CDH18: variants seen among roughly 807,000 people sequenced by gnomAD.
CDH18 encodes the protein cadherin 18.
CDH18 carries 31 observed loss-of-function variants against 67.9 expected under a neutral mutation model. That is an observed-to-expected ratio of 0.46 (90% CI 0.34 to 0.62). The LOEUF is 0.62. CDH18 is among the 20% of genes least tolerant of loss of function. The pLI is 0.01. For synonymous variants in CDH18, 362 were observed against 347.2 expected, an observed-to-expected ratio of 1.04 and a Z score of -0.48; for missense variants, 890 against 975.5, an observed-to-expected ratio of 0.91 and a Z score of 1.17.
In CDH18 at chr5:20,218,335, A is replaced by G. The variant is rs1588232; in HGVS notation, c.-518+37109T>C. Among the ~76,000 whole-genome samples the G allele has an allele frequency of 8.8e-3, 1,338 of 152,160 alleles. 23 individuals carry two copies. The highest frequency in any genetic ancestry group is 0.03 in the African/African-American group (1,228 of 41,544). On this transcript the variant is annotated intron_variant, in intron 2 of 14. Transcript: ENST00000507958. Reference sequence around the variant, plus strand: ...CAACTATCTTCTTTCTCCACAATAGAATATAACTAGGAATCAATAAAATGA... The same window carrying G: ...CAACTATCTTCTTTCTCCACAATAGGATATAACTAGGAATCAATAAAATGA...
chr5:20,418,383 G>A (rs1230777326), intron 1 of CDH18, among the ~76,000 whole-genome samples: 2 of 151,292 alleles, frequency 1.3e-5, no homozygotes, highest in African/African-American at 4.9e-5. Flanking sequence ...GCCCGGCCAA[G>A]ACTAGTGTCT....
At chr5:20,333,667 A>T (rs893509542) in intron 1 of CDH18, among the ~76,000 whole-genome samples, 1 of 152,050 alleles carries the variant, frequency 6.6e-6, no homozygotes, top group Non-Finnish European at 1.5e-5. Flanking sequence ...TGAGATCAAA[A>T]GACAAATGCT....
At chr5:19,617,074 T>C (rs1027854262) in intron 5 of CDH18, among the ~76,000 whole-genome samples, 1 of 152,166 alleles carries the variant, frequency 6.6e-6, no homozygotes, top group Non-Finnish European at 1.5e-5. Context: ...GACACAAATA[T>C]TCAGTTTGAT....
intron 2 of CDH18, among the ~76,000 whole-genome samples, chr5:20,227,515 C>T (rs993491789): frequency 9.9e-5 from 15 of 152,232 alleles, no homozygotes; most frequent in African/African-American, 3.1e-4. Flanking sequence ...CACACACATC[C>T]TCTCTAAAAT....
chr5:19,703,393 T>C (rs1763521206), intron 5 of CDH18, among the ~76,000 whole-genome samples: 1 of 152,042 alleles, frequency 6.6e-6, no homozygotes, highest in Non-Finnish European at 1.5e-5. Flanking sequence ...CTTTTCACAA[T>C]GATGATGAGG....
At chr5:19,516,277 TG>T (rs1745983447) in intron 10 of CDH18, among the ~76,000 whole-genome samples, 1 of 152,096 alleles carries the variant, frequency 6.6e-6, no homozygotes, top group Admixed American at 6.6e-5. Context: ...ATTTTCACAT[TG>T]ATATTCATCA....
intron 1 of CDH18, among the ~76,000 whole-genome samples, chr5:20,473,493 C>T (rs972616811): frequency 2.6e-5 from 4 of 151,744 alleles, no homozygotes; most frequent in Non-Finnish European, 5.9e-5. Context: ...TTCCTGTCTT[C>T]GACATTGGAT....
intron 1 of CDH18, among the ~76,000 whole-genome samples, chr5:20,554,088 T>C (rs1051569935): frequency 1.3e-5 from 2 of 152,214 alleles, no homozygotes; most frequent in African/African-American, 4.8e-5. Flanking sequence ...ATGTAATGTT[T>C]TACTATTTTC....
chr5:20,147,886 C>G (rs920810435), intron 2 of CDH18, among the ~76,000 whole-genome samples: 36 of 152,098 alleles, frequency 2.4e-4, no homozygotes, highest in Non-Finnish European at 2.9e-4. Flanking sequence ...ACCACCTATA[C>G]AGAACTTAAA....
chr5:20,454,498 G>T (rs189695540), intron 1 of CDH18, among the ~76,000 whole-genome samples: 137 of 152,054 alleles, frequency 9.0e-4, no homozygotes, highest in Admixed American at 1.8e-3. Flanking sequence ...ATAAACCTAA[G>T]AAATAAAGTC....
chr5:20,518,814 C>T (rs1035525987), intron 1 of CDH18, among the ~76,000 whole-genome samples: 1 of 152,020 alleles, frequency 6.6e-6, no homozygotes, highest in Non-Finnish European at 1.5e-5. Context: ...AGTGTTTCTG[C>T]TATTTGTTAA....
At chr5:19,783,451 C>T (rs1775355217) in intron 3 of CDH18, among the ~76,000 whole-genome samples, 1 of 152,108 alleles carries the variant, frequency 6.6e-6, no homozygotes, top group African/African-American at 2.4e-5. Flanking sequence ...TGCTTTCAAA[C>T]ATCAAAAGTG....
intron 11 of CDH18, among the ~76,000 whole-genome samples, chr5:19,488,839 C>T (rs1036850377): frequency 6.6e-6 from 1 of 152,162 alleles, no homozygotes; most frequent in Non-Finnish European, 1.5e-5. Flanking sequence ...TTTATTTCTT[C>T]GTATTCTCTG....
At chr5:19,619,042 A>G (rs899680583) in intron 5 of CDH18, among the ~76,000 whole-genome samples, 11 of 152,118 alleles carry the variant, frequency 7.2e-5, no homozygotes, top group African/African-American at 2.7e-4. Context: ...ATTATATGCT[A>G]TATATATTAC....
At chr5:19,818,158 G>A (rs889495265) in intron 3 of CDH18, among the ~76,000 whole-genome samples, 3 of 152,038 alleles carry the variant, frequency 2.0e-5, no homozygotes, top group South Asian at 2.1e-4. Flanking sequence ...ACTTCAATTC[G>A]TAATCAAAAT....
chr5:19,496,766 T>A (rs1742401412), intron 11 of CDH18, among the ~76,000 whole-genome samples: 1 of 138,270 alleles, frequency 7.2e-6, no homozygotes, highest in Non-Finnish European at 1.5e-5. Flanking sequence ...GAGCTGAGAT[T>A]GCACCACTGC....
At chr5:20,405,035 C>A (rs1331814843) in intron 1 of CDH18, among the ~76,000 whole-genome samples, 1 of 151,984 alleles carries the variant, frequency 6.6e-6, no homozygotes, top group Non-Finnish European at 1.5e-5. Context: ...TTATTAAGTT[C>A]ATCCCCATCA....
intron 2 of CDH18, among the ~76,000 whole-genome samples, chr5:20,199,485 T>C (rs1215487504): frequency 3.9e-5 from 6 of 152,206 alleles, no homozygotes; most frequent in African/African-American, 1.4e-4. Flanking sequence ...ACCCCTATAG[T>C]ATCTAGGAAG....
intron 2 of CDH18, among the ~76,000 whole-genome samples, chr5:20,032,776 T>C (rs1239326845): frequency 1.3e-5 from 2 of 151,962 alleles, no homozygotes; most frequent in African/African-American, 2.4e-5. Context: ...CAATAGAACA[T>C]TTTCTGAAAA....
Sources: allele counts gnomAD v4.1 joint callset (sites outside exome capture counted in the v4.1 genomes callset), GRCh38; gene constraint gnomAD v4.1.1; transcripts MANE v1.5; gene names NCBI Gene and HGNC (gene_info 2026-07-23, HGNC 2026-07-21).